WASF3: variants seen among roughly 807,000 people sequenced by gnomAD.
The protein encoded by WASF3 is actin-binding protein WASF3.
WASF3 carries 11 observed loss-of-function variants against 46.6 expected under a neutral mutation model. The observed-to-expected ratio is 0.24, with a 90% CI of 0.15 to 0.39. The LOEUF is 0.39. Among genes scored for constraint, WASF3 ranks in the 10% least tolerant of loss-of-function variants. WASF3 has a pLI of 1.00. For synonymous variants in WASF3, 242 were observed against 259.7 expected (o/e 0.93, Z 0.65); for missense variants, 576 against 669.8 (o/e 0.86, Z 1.55).
At chr13:26,612,212 G>C (rs1226390019) in intron 1 of WASF3, among the ~76,000 whole-genome samples, 1 of 152,228 alleles carries the variant, frequency 6.6e-6, no homozygotes, top group Non-Finnish European at 1.5e-5. Flanking sequence ...AGTGTTTAAA[G>C]AGGGGCTGAC....
chr13:26,671,797 C>A, intron 5 of WASF3, 75 bp from the exon 6 acceptor site: 2 of 987,600 alleles, frequency 2.0e-6, no homozygotes, highest in South Asian at 1.6e-5. Context: ...GAGTTCAAAT[C>A]AAGTTAACAT....
chr13:26,671,759 G>A (rs961542549), intron 5 of WASF3, 113 bp from the exon 6 acceptor site: 5 of 674,206 alleles, frequency 7.4e-6, no homozygotes, highest in Admixed American at 6.1e-5. Context: ...GAGAGTTTAA[G>A]TGCCCCATGT....
intron 3 of WASF3, among the ~76,000 whole-genome samples, chr13:26,656,312 A>C (rs974503682): frequency 5.3e-5 from 8 of 152,224 alleles, no homozygotes; most frequent in Non-Finnish European, 5.9e-5. Context: ...AGTTTCATAA[A>C]CAAATGAAAA....
At position 26,681,039 on chromosome 13, in the gene WASF3, G is replaced by A. The variant is rs377625568; in HGVS notation, c.717-15G>A. Reference sequence around the variant, plus strand: ...TTAATTTAAATTTCTCCCACCTCTTGTTTTCAAATGCCAGGTCACATGCAT... The same window carrying A: ...TTAATTTAAATTTCTCCCACCTCTTATTTTCAAATGCCAGGTCACATGCAT... On this transcript the variant is annotated splice_polypyrimidine_tract_variant and intron_variant, in intron 7 of 9. Transcript: ENST00000335327. The A allele has an allele frequency of 1.0e-5, 16 of 1,583,744 alleles. No individual in the cohort carries two copies. Among genetic ancestry groups the A allele is most frequent in the Middle Eastern group, 3.4e-4 (2 of 5,958 alleles).
At chr13:26,577,327 T>C (rs1230580863) in intron 1 of WASF3, 1 of 756,084 alleles carries the variant, frequency 1.3e-6, no homozygotes, top group African/African-American at 1.7e-5. Flanking sequence ...AATGTAACAA[T>C]CCGATATGGA....
At chr13:26,654,476 T>C (rs1882410349) in intron 3 of WASF3, among the ~76,000 whole-genome samples, 1 of 152,208 alleles carries the variant, frequency 6.6e-6, no homozygotes, top group African/African-American at 2.4e-5. Flanking sequence ...TATTGTCTGT[T>C]TTCCTCAACC....
At chr13:26,617,109 A>G (rs1881158657) in intron 2 of WASF3, among the ~76,000 whole-genome samples, 1 of 152,184 alleles carries the variant, frequency 6.6e-6, no homozygotes, top group Admixed American at 6.5e-5. Context: ...TCTTTTTTAA[A>G]TATGCATTCT....
chr13:26,600,586 A>T (rs143350218), intron 1 of WASF3, among the ~76,000 whole-genome samples: 2,327 of 152,284 alleles, frequency 0.015, 32 homozygotes, highest in Non-Finnish European at 0.025. Context: ...GAGAATTCAG[A>T]TACAAATCCT....
the WASF3 span, among the ~76,000 whole-genome samples, chr13:26,545,470 C>A: frequency 1.1e-4 from 17 of 152,156 alleles, no homozygotes; most frequent in South Asian, 3.5e-3. Context: ...ATTGCAGTAA[C>A]TTTACCTTTT....
At chr13:26,668,464 C>T (rs1315728571) in intron 5 of WASF3, among the ~76,000 whole-genome samples, 10 of 152,222 alleles carry the variant, frequency 6.6e-5, no homozygotes, top group Non-Finnish European at 1.3e-4. Flanking sequence ...CAGTGGTCCT[C>T]ACAGCCCCGG....
At chr13:26,573,865 C>G (rs1312149308) in intron 1 of WASF3, among the ~76,000 whole-genome samples, 1 of 152,142 alleles carries the variant, frequency 6.6e-6, no homozygotes, top group East Asian at 1.9e-4. Flanking sequence ...AAGTTGACTT[C>G]TAATATTGAG....
upstream of WASF3, among the ~76,000 whole-genome samples, chr13:26,555,796 C>T (rs1879084876): frequency 6.6e-6 from 1 of 152,196 alleles, no homozygotes; most frequent in African/African-American, 2.4e-5. Flanking sequence ...AAGAAGCACT[C>T]CTATTTAGTA....
intron 1 of WASF3, among the ~76,000 whole-genome samples, chr13:26,612,083 C>T (rs1256146696): frequency 2.6e-5 from 4 of 152,128 alleles, no homozygotes; most frequent in African/African-American, 7.2e-5. Context: ...ACTTCTGGGC[C>T]GCTGTTCTCT....
intron 1 of WASF3, among the ~76,000 whole-genome samples, chr13:26,581,753 G>A (rs1879986058): frequency 6.6e-6 from 1 of 152,192 alleles, no homozygotes; most frequent in Non-Finnish European, 1.5e-5. Context: ...TTCCTTGACA[G>A]TTATTTGCTA....
At chr13:26,573,322 T>C (rs1324148945) in intron 1 of WASF3, among the ~76,000 whole-genome samples, 1 of 152,178 alleles carries the variant, frequency 6.6e-6, no homozygotes, top group African/African-American at 2.4e-5. Flanking sequence ...GTGCATTTGC[T>C]CATTTTTCCT....
chr13:26,591,784 G>A (rs1880303200), intron 1 of WASF3, among the ~76,000 whole-genome samples: 1 of 152,128 alleles, frequency 6.6e-6, no homozygotes, highest in Non-Finnish European at 1.5e-5. Flanking sequence ...CAGGAAAGGA[G>A]GGAGTCGGGA....
intron 7 of WASF3, among the ~76,000 whole-genome samples, chr13:26,678,450 C>T (rs1355811765): frequency 1.3e-5 from 2 of 151,894 alleles, no homozygotes; most frequent in East Asian, 1.9e-4. Flanking sequence ...TTTTCTTTTA[C>T]AAAATTGGAG....
the WASF3 span, among the ~76,000 whole-genome samples, chr13:26,546,637 G>A: frequency 3.3e-5 from 5 of 152,122 alleles, no homozygotes; most frequent in East Asian, 1.9e-4. Flanking sequence ...GCTTGAACCC[G>A]GGAGGCGGAG....
chr13:26,599,128 C>G (rs1228156531), intron 1 of WASF3, among the ~76,000 whole-genome samples: 1 of 150,528 alleles, frequency 6.6e-6, no homozygotes, highest in Non-Finnish European at 1.5e-5. Context: ...TCCCAAAGTG[C>G]TGGGATTACA....
Sources: gnomAD v4.1 joint callset for allele counts (sites outside exome capture counted in the v4.1 genomes callset) on GRCh38, gnomAD v4.1.1 for gene constraint, MANE v1.5 for transcripts, NCBI Gene and HGNC (gene_info 2026-07-23, HGNC 2026-07-21) for gene names.